The following CRYL1 variants were observed in gnomAD, a reference collection of about 807,000 sequenced individuals.
The protein encoded by CRYL1 is crystallin lambda 1.
Under a neutral mutation model 36.6 loss-of-function variants are expected in CRYL1, and 29 were observed. The observed-to-expected ratio is 0.79, with a 90% confidence interval of 0.59 to 1.08. The LOEUF (loss-of-function observed/expected upper bound fraction) is 1.08, where lower values mean the gene tolerates loss of function less well. Ranked by LOEUF, CRYL1 falls within the 50% of genes least tolerant of loss-of-function variation. The pLI is 0.00. For missense variants in CRYL1, 411 were observed against 407.9 expected (o/e 1.01, Z -0.06); for synonymous variants, 152 against 151.5 (o/e 1.00, Z -0.02).
rs1249870926 is a variant in CRYL1, at chr13:20,435,278, C to T, written c.439-2982G>A. 6.6e-6 allele frequency among the ~76,000 whole-genome samples: 1 copy of T among 152,204 alleles called. No homozygotes were observed. Among genetic ancestry groups the T allele is most frequent in the Non-Finnish European group, 1.5e-5 (1 of 68,042 alleles). ...GTAAAAAACAGGACTTTGATCATGC[C>T]TTCTCCAACGAAAAATCTTGAAGGG... is the stretch of plus-strand genomic sequence containing the variant. On this transcript the variant is annotated intron_variant, in intron 4 of 7. Transcript: ENST00000298248. This position sits in a 1 kb window ranked among gnomAD's most constrained non-coding sequence, Gnocchi z 4.0.
chr13:20,465,515 C>T (rs978008570), intron 3 of CRYL1, among the ~76,000 whole-genome samples: 3 of 152,114 alleles, frequency 2.0e-5, no homozygotes, highest in Non-Finnish European at 2.9e-5. Context: ...AAGGAAAGAG[C>T]CATGCACAAA....
At chr13:20,523,475 T>A (rs2034132591) in intron 1 of CRYL1, among the ~76,000 whole-genome samples, 1 of 152,188 alleles carries the variant, frequency 6.6e-6, no homozygotes, top group African/African-American at 2.4e-5. Flanking sequence ...AAACACAATA[T>A]GCTCCTGAAA....
intron 3 of CRYL1, among the ~76,000 whole-genome samples, chr13:20,446,647 G>A (rs902636032): frequency 4.6e-5 from 7 of 152,134 alleles, no homozygotes; most frequent in African/African-American, 1.7e-4. Flanking sequence ...CTCACACCTA[G>A]GCTCTCCATT....
intron 1 of CRYL1, among the ~76,000 whole-genome samples, chr13:20,522,911 C>CTTTTTTT (rs386378385): frequency 0.011 from 953 of 82,962 alleles, 52 homozygotes; most frequent in Non-Finnish European, 0.016. Context: ...CCCATTTCTA[C>CTTTTTTT]TTTTTTTTTT....
At chr13:20,479,100 T>C (rs1380974995) in intron 3 of CRYL1, among the ~76,000 whole-genome samples, 1 of 152,080 alleles carries the variant, frequency 6.6e-6, no homozygotes, top group Non-Finnish European at 1.5e-5. Context: ...TTCTTTTAAA[T>C]AGGGATTTGA....
At chr13:20,489,536 A>T (rs2033469617) in intron 2 of CRYL1, 40 bp from the exon 3 acceptor site, 2 of 1,606,628 alleles carry the variant, frequency 1.2e-6, no homozygotes, top group Non-Finnish European at 1.7e-6. Flanking sequence ...AGTATTCAAC[A>T]CCACATTTAA....
intron 3 of CRYL1, among the ~76,000 whole-genome samples, chr13:20,466,705 T>TGTGTGAGTGA (rs1555229894): frequency 6.6e-6 from 1 of 151,292 alleles, no homozygotes; most frequent in South Asian, 2.1e-4. Context: ...TGTGTGTGTG[T>TGTGTGAGTGA]GTGTGTAGTT....
intron 3 of CRYL1, among the ~76,000 whole-genome samples, chr13:20,470,934 A>C (rs1169523614): frequency 6.6e-6 from 1 of 151,292 alleles, no homozygotes; most frequent in Admixed American, 6.6e-5. Flanking sequence ...AAACAAAAAA[A>C]AAAACCCATG....
At chr13:20,489,561 C>T in intron 2 of CRYL1, 65 bp from the exon 3 acceptor site, 1 of 1,584,282 alleles carries the variant, frequency 6.3e-7, no homozygotes, top group Non-Finnish European at 8.6e-7. Context: ...AGATAAAGCC[C>T]AACATCAGGA....
chr13:20,432,839 G>A (rs747631103), intron 4 of CRYL1, among the ~76,000 whole-genome samples: 8 of 152,092 alleles, frequency 5.3e-5, no homozygotes, highest in East Asian at 1.9e-4. Flanking sequence ...GCAACACAGC[G>A]AGACCCTGTT....
At chr13:20,436,139 A>G (rs1439573324) in intron 4 of CRYL1, among the ~76,000 whole-genome samples, 1 of 152,118 alleles carries the variant, frequency 6.6e-6, no homozygotes, top group Non-Finnish European at 1.5e-5. Flanking sequence ...GGGGCGGGGG[A>G]GCGGGCTAAC....
chr13:20,427,364 T>A, intron 5 of CRYL1: 1 of 967,986 alleles, frequency 1.0e-6, no homozygotes, highest in Non-Finnish European at 1.2e-6. Flanking sequence ...ACCTGGCTCC[T>A]TCACTCCCTT....
rs1292225610 is a variant in CRYL1 at position 20,505,381 on chromosome 13, A to AAAAAT, written c.149+7061_149+7062insATTTT. ...CACCAAAAAAAAAAAAAAAAAAAAA[A>AAAAAT]ATCAGAATATGGGAAGTGGGCCAAA... On this transcript the variant is annotated intron_variant, in intron 2 of 7. Coordinates refer to ENST00000298248, the MANE Select transcript of CRYL1 (RefSeq NM_015974.3). Among the ~76,000 whole-genome samples the AAAAAT allele has an allele frequency of 5.2e-3, 721 of 138,704 alleles. 5 individuals carry two copies. The highest frequency in any genetic ancestry group is 0.019 in the African/African-American group (692 of 36,992). The allele number at this position is 138,704 out of a possible 152,430, so 91.0% of individuals were successfully genotyped here.
At chr13:20,520,409 G>C (rs1335087005) in intron 1 of CRYL1, among the ~76,000 whole-genome samples, 1 of 152,164 alleles carries the variant, frequency 6.6e-6, no homozygotes, top group Non-Finnish European at 1.5e-5. Flanking sequence ...TAATGCACCT[G>C]CCTCCATGGC....
At chr13:20,420,613 C>T (rs948572517) in intron 5 of CRYL1, among the ~76,000 whole-genome samples, 11 of 150,620 alleles carry the variant, frequency 7.3e-5, no homozygotes, top group Admixed American at 1.3e-4. Context: ...AGAGACTAGA[C>T]AGGAACAAAG....
intron 5 of CRYL1, among the ~76,000 whole-genome samples, chr13:20,414,419 G>A (rs1039855763): frequency 3.3e-5 from 5 of 152,094 alleles, no homozygotes; most frequent in Admixed American, 2.6e-4. Flanking sequence ...AGAAGCTGAC[G>A]ACAAGGGGAG....
At chr13:20,453,902 TA>T (rs1391975636) in intron 3 of CRYL1, among the ~76,000 whole-genome samples, 1 of 152,156 alleles carries the variant, frequency 6.6e-6, no homozygotes, top group African/African-American at 2.4e-5. Flanking sequence ...TCCTACAACT[TA>T]GAACAAATGG....
chr13:20,440,843 TAAA>T (rs761863764), intron 3 of CRYL1, among the ~76,000 whole-genome samples: 7 of 152,168 alleles, frequency 4.6e-5, no homozygotes, highest in Non-Finnish European at 8.8e-5. Context: ...AAATTTGGAT[TAAA>T]TGCTGCAGAT....
chr13:20,483,627 C>T (rs1327286037), intron 3 of CRYL1, among the ~76,000 whole-genome samples: 2 of 152,172 alleles, frequency 1.3e-5, no homozygotes, highest in African/African-American at 4.8e-5. Flanking sequence ...GCAACCTCCA[C>T]CTCCTGGGCT....
Sources: allele counts gnomAD v4.1 joint callset (sites outside exome capture counted in the v4.1 genomes callset), GRCh38; gene constraint gnomAD v4.1.1; non-coding constraint Gnocchi (gnomAD v3.1); transcripts MANE v1.5; gene names NCBI Gene and HGNC (gene_info 2026-07-23, HGNC 2026-07-21).